DLGAP2: variants seen among roughly 807,000 people sequenced by gnomAD.
The protein encoded by DLGAP2 is disks large-associated protein 2.
DLGAP2 carries 26 observed loss-of-function variants against 100.3 expected under a neutral mutation model. The ratio of observed to expected loss-of-function variants is 0.26; its 90% CI spans 0.19 to 0.36. DLGAP2 has a LOEUF of 0.36. DLGAP2 is among the 10% of genes least tolerant of loss of function. The probability of loss-of-function intolerance (pLI) is 1.00; values close to 1 mark genes in which losing one functional copy is unlikely to be tolerated. For missense variants in DLGAP2, 1,858 were observed against 1,453.2 expected (o/e 1.28, Z -4.53); for synonymous variants, 886 against 630.1 (o/e 1.41, Z -6.08).
At chr8:1,286,179 T>A (rs1468524509) in intron 3 of DLGAP2, among the ~76,000 whole-genome samples, 1 of 152,152 alleles carries the variant, frequency 6.6e-6, no homozygotes. Flanking sequence ...GTGATGGTTT[T>A]ATAAGGGGCG....
chr8:1,181,738 A>C (rs17815699), intron 2 of DLGAP2, among the ~76,000 whole-genome samples: 2 of 152,074 alleles, frequency 1.3e-5, no homozygotes, highest in African/African-American at 4.8e-5. Context: ...TGCAATACTG[A>C]AGCAAAAGCA....
chr8:1,631,065 C>T lies in DLGAP2; in HGVS notation c.1591-1762C>T, dbSNP rs539521330. ...GGTCCGGGTGCCCCAAGGGTCTGGGCGGGAGGTCCGGGTGAACAGATCATT... is the reference window on the plus strand; with the variant it reads ...GGTCCGGGTGCCCCAAGGGTCTGGGTGGGAGGTCCGGGTGAACAGATCATT... On this transcript the variant is annotated intron_variant, in intron 7 of 14. Transcript: ENST00000637795. Among the ~76,000 whole-genome samples, 210 of 151,988 alleles carry T rather than the reference C, an allele frequency of 1.4e-3. 1 individual carries two copies. Among genetic ancestry groups the T allele is most frequent in the Non-Finnish European group, 2.5e-3 (171 of 67,992 alleles).
rs557000428 is a variant in DLGAP2, at chr8:910,220, G to T, written c.73+2254G>T. Among the ~76,000 whole-genome samples, 3 of 152,272 alleles carry T rather than the reference G, an allele frequency of 2.0e-5. No individual in the cohort carries two copies. The South Asian group carries it at 6.2e-4, about 32-fold the overall frequency. ...ACAATTAGAAAGAAGATTAACTTTG[G>T]GATGAATCATCACTTTTTTCTCGTT... On this transcript the variant is annotated intron_variant, in intron 2 of 14. Coordinates refer to ENST00000637795, the MANE Select transcript of DLGAP2 (RefSeq NM_001346810.2).
chr8:1,533,221 G>A (rs537685193), intron 4 of DLGAP2, among the ~76,000 whole-genome samples: 15 of 151,956 alleles, frequency 9.9e-5, no homozygotes, highest in Admixed American at 1.3e-4. Flanking sequence ...TTTTTCAACC[G>A]GGCGCAGTGG....
chr8:1,514,523 T>A (rs867364686), intron 4 of DLGAP2, among the ~76,000 whole-genome samples: 12 of 152,224 alleles, frequency 7.9e-5, no homozygotes, highest in Admixed American at 2.0e-4. Flanking sequence ...GCGTTAATAT[T>A]TCAGTAAGAG....
chr8:1,099,407 C>A (rs1482648265), intron 2 of DLGAP2, among the ~76,000 whole-genome samples: 1 of 152,192 alleles, frequency 6.6e-6, no homozygotes, highest in Non-Finnish European at 1.5e-5. Flanking sequence ...AAGTTTCATT[C>A]AACAAATTAC....
intron 1 of DLGAP2, chr8:822,158 C>T (rs978687672): frequency 2.5e-6 from 1 of 399,702 alleles, no homozygotes; most frequent in Non-Finnish European, 4.4e-6. Flanking sequence ...TAACCCTCTG[C>T]CTGCGCCCAG....
At chr8:1,599,738 C>G (rs1015906209) in intron 6 of DLGAP2, among the ~76,000 whole-genome samples, 1 of 152,126 alleles carries the variant, frequency 6.6e-6, no homozygotes, top group Non-Finnish European at 1.5e-5. Context: ...AAATATTCCT[C>G]CATCCCTTTA....
intron 5 of DLGAP2, among the ~76,000 whole-genome samples, chr8:1,561,110 T>G (rs1802142871): frequency 6.6e-6 from 1 of 152,080 alleles, no homozygotes; most frequent in Non-Finnish European, 1.5e-5. Flanking sequence ...ATCTGATGGT[T>G]TTTTAAAAGG....
intron 8 of DLGAP2, among the ~76,000 whole-genome samples, chr8:1,636,317 G>T (rs1004221740): frequency 6.6e-6 from 1 of 152,030 alleles, no homozygotes; most frequent in African/African-American, 2.4e-5. Context: ...TAAAACAAAG[G>T]GAAAACCTAT....
At chr8:1,078,235 G>C (rs1270654773) in intron 2 of DLGAP2, among the ~76,000 whole-genome samples, 1 of 152,170 alleles carries the variant, frequency 6.6e-6, no homozygotes, top group Non-Finnish European at 1.5e-5. Flanking sequence ...GGCTTGCACT[G>C]TTTTTTAAAT....
chr8:1,023,709 C>A (rs796526066), intron 2 of DLGAP2, among the ~76,000 whole-genome samples: 20 of 152,262 alleles, frequency 1.3e-4, no homozygotes, highest in African/African-American at 4.6e-4. Context: ...CATCGCAGCC[C>A]AGCCCTGCTT....
intron 3 of DLGAP2, among the ~76,000 whole-genome samples, chr8:1,367,242 A>G (rs1022406838): frequency 1.3e-5 from 2 of 152,204 alleles, no homozygotes; most frequent in Non-Finnish European, 2.9e-5. Context: ...GTGACTTCCT[A>G]GGAGTCACCA....
intron 2 of DLGAP2, among the ~76,000 whole-genome samples, chr8:1,186,774 G>A (rs60985496): frequency 1.3e-5 from 2 of 151,994 alleles, no homozygotes; most frequent in Admixed American, 6.6e-5. Flanking sequence ...GAGCTTGGAC[G>A]TGTCTGGAGG....
At chr8:1,314,057 T>A (rs1800672518) in intron 3 of DLGAP2, among the ~76,000 whole-genome samples, 1 of 152,244 alleles carries the variant, frequency 6.6e-6, no homozygotes, top group South Asian at 2.1e-4. Flanking sequence ...CACACGCTTT[T>A]CAGTTATCCA....
At chr8:1,572,470 A>T in intron 6 of DLGAP2, among the ~76,000 whole-genome samples, 1 of 122,210 alleles carries the variant, frequency 8.2e-6, no homozygotes, top group African/African-American at 3.2e-5. Flanking sequence ...GTCTGATGAG[A>T]TGGAGAGGAG....
intron 8 of DLGAP2, among the ~76,000 whole-genome samples, chr8:1,650,212 G>A (rs4418368): frequency 0.34 from 51,751 of 152,074 alleles, 8,807 homozygotes; most frequent in Middle Eastern, 0.39. Flanking sequence ...ATATGTATTT[G>A]GTACCTGATG....
rs527407603 is a variant in DLGAP2 at position 1,598,076 on chromosome 8, A to G, written c.1443-28664A>G. 2.0e-5 allele frequency among the ~76,000 whole-genome samples: 3 copies of G among 152,318 alleles called. No individual in the cohort carries two copies. The East Asian group carries it at 5.8e-4, about 29-fold the overall frequency. On this transcript the variant is annotated intron_variant, in intron 6 of 14. Transcript: ENST00000637795. ...TTATTGAGAGCTTTTAGCATGAAGCAGTGTCGAATTTTATTGCAGGCCTTC... is the reference window on the plus strand; with the variant it reads ...TTATTGAGAGCTTTTAGCATGAAGCGGTGTCGAATTTTATTGCAGGCCTTC...
At chr8:1,251,632 T>C (rs1198204345) in intron 2 of DLGAP2, among the ~76,000 whole-genome samples, 1 of 151,920 alleles carries the variant, frequency 6.6e-6, no homozygotes, top group Non-Finnish European at 1.5e-5. Flanking sequence ...ACTCAGTTGA[T>C]GATGAGTGGA....
Sources: gnomAD v4.1 joint callset for allele counts (sites outside exome capture counted in the v4.1 genomes callset) on GRCh38, gnomAD v4.1.1 for gene constraint, MANE v1.5 for transcripts, NCBI Gene and HGNC (gene_info 2026-07-23, HGNC 2026-07-21) for gene names.